Variants in SLIT1 observed in about 807,000 individuals in gnomAD.
SLIT1 encodes slit homolog 1 protein.
In SLIT1, 66 loss-of-function variants were observed where a neutral mutation model predicts 186.1. The ratio of observed to expected loss-of-function variants is 0.35; its 90% CI spans 0.29 to 0.44. SLIT1 has a LOEUF of 0.44. Ranked by LOEUF, SLIT1 falls within the 20% of genes least tolerant of loss-of-function variation. The pLI is 1.00. For missense variants in SLIT1, 1,638 were observed against 2,037.4 expected, an observed-to-expected ratio of 0.80 and a Z score of 3.77; for synonymous variants, 761 against 833.8, an observed-to-expected ratio of 0.91 and a Z score of 1.50.
intron 4 of SLIT1, among the ~76,000 whole-genome samples, chr10:97,138,617 C>T (rs1849726822): frequency 6.6e-6 from 1 of 151,260 alleles, no homozygotes; most frequent in Non-Finnish European, 1.5e-5. Flanking sequence ...TCCTTTGTTT[C>T]CTATAAACGC....
intron 4 of SLIT1, among the ~76,000 whole-genome samples, chr10:97,093,600 C>T (rs894236423): frequency 1.3e-5 from 2 of 152,176 alleles, no homozygotes; most frequent in Non-Finnish European, 2.9e-5. Context: ...AATGTTGGAG[C>T]AAAAGATAGA....
At chr10:97,082,563 T>A (rs147044467) in intron 4 of SLIT1, among the ~76,000 whole-genome samples, 340 of 152,238 alleles carry the variant, frequency 2.2e-3, no homozygotes, top group African/African-American at 7.6e-3. Flanking sequence ...GCCTCCCAAG[T>A]AGCTGGGACT....
chr10:97,034,414 G>A, intron 23 of SLIT1, 57 bp downstream of exon 23: 1 of 1,234,148 alleles, frequency 8.1e-7, no homozygotes, highest in Non-Finnish European at 1.2e-6. Context: ...CTGGGGCTAG[G>A]GAATGACTCA....
Position 97,060,682 on chromosome 10 carries a change from A to G in SLIT1, c.899T>C (p.Leu300Pro). 1 of 1,613,564 alleles carries G rather than the reference A, an allele frequency of 6.2e-7. No individual in the cohort carries two copies. Among genetic ancestry groups the G allele is most frequent in the Non-Finnish European group, 8.5e-7 (1 of 1,180,038 alleles). The part of the protein sequence containing the change: ...NGIVDCRGKG[L>P]TAIPANLPET... ...GGGCAGGTTGGCCGGGATGGCAGTG[A>G]GGCCTTTTCCACGACAGTCCACGAT... is the stretch of plus-strand genomic sequence containing the variant. Residue 300 changes from leucine to proline, a missense_variant, in exon 9 of 37, where the codon CTC (leucine) becomes CCC (proline). Leu to Pro is a moderately conservative substitution (Grantham distance 98, BLOSUM62 -3). This residue lies in a region of SLIT1 where 1,245 missense variants were observed against 1,535.3 expected (regional missense o/e 0.81). Coordinates refer to ENST00000266058, the MANE Select transcript of SLIT1 (RefSeq NM_003061.3).
At chr10:97,009,507 TAA>T (rs1335028144) in intron 31 of SLIT1, among the ~76,000 whole-genome samples, 15 of 152,178 alleles carry the variant, frequency 9.9e-5, no homozygotes, top group Admixed American at 9.8e-4. Context: ...GACCTAAATA[TAA>T]GAGCTAAAAC....
chr10:97,119,912 G>GGT (rs756112837), intron 4 of SLIT1, among the ~76,000 whole-genome samples: 10 of 15,840 alleles, frequency 6.3e-4, no homozygotes, highest in Admixed American at 1.3e-3. Flanking sequence ...TTTCCAAAGG[G>GGT]GTATATATAT....
intron 22 of SLIT1, 21 bp from the exon 23 acceptor site, chr10:97,034,563 A>T (rs753405648): frequency 2.5e-6 from 4 of 1,606,476 alleles, no homozygotes; most frequent in Non-Finnish European, 3.4e-6. Context: ...CAAAGGCATC[A>T]TGATTTAGAA....
intron 1 of SLIT1, among the ~76,000 whole-genome samples, chr10:97,169,749 C>T (rs1270597910): frequency 1.3e-5 from 2 of 152,250 alleles, no homozygotes; most frequent in Admixed American, 1.3e-4. Context: ...TGTGTGCAGG[C>T]TCCGGGCCTG....
At chr10:97,154,383 C>G (rs1164103755) in intron 4 of SLIT1, 1 of 152,242 alleles carries the variant, frequency 6.6e-6, no homozygotes, top group Admixed American at 6.5e-5. Context: ...TCCAAGAGCC[C>G]TGCAGGAGTC....
At chr10:97,161,842 A>G (rs372777397) in intron 3 of SLIT1, among the ~76,000 whole-genome samples, 54 of 152,318 alleles carry the variant, frequency 3.5e-4, no homozygotes, top group Non-Finnish European at 6.5e-4. Context: ...AGGCAAAATG[A>G]TCTGGGTTCT....
At chr10:97,172,156 C>G (rs369774611) in intron 1 of SLIT1, among the ~76,000 whole-genome samples, 1 of 152,118 alleles carries the variant, frequency 6.6e-6, no homozygotes, top group African/African-American at 2.4e-5. Flanking sequence ...TATTCTCATG[C>G]CTCAGTCTCC....
intron 4 of SLIT1, among the ~76,000 whole-genome samples, chr10:97,087,073 T>TA (rs1245897099): frequency 4.1e-5 from 6 of 146,298 alleles, no homozygotes; most frequent in African/African-American, 1.2e-4. Context: ...AAAACTGCTC[T>TA]AAAAAATAAG....
At chr10:97,038,361 C>G (rs977556616) in intron 21 of SLIT1, among the ~76,000 whole-genome samples, 1 of 152,192 alleles carries the variant, frequency 6.6e-6, no homozygotes, top group Non-Finnish European at 1.5e-5. Flanking sequence ...GCCGACTGTG[C>G]ACCACCACCC....
rs58092124 is a variant in SLIT1, at chr10:97,046,895, GC to G, written c.1709+95del. ...CAACACCCCCACACACAGAGTCCTG[GC>G]CCCCCGCCGTGGGAGCTGCCCCCAC... On this transcript the variant is annotated intron_variant, in intron 17 of 36. Transcript: ENST00000266058. The G allele has an allele frequency of 8.3e-6, 13 of 1,571,106 alleles. No homozygotes were observed. The South Asian group carries it at 1.3e-4, about 15-fold the overall frequency.
chr10:97,159,210 T>C (rs1477537420), intron 3 of SLIT1, among the ~76,000 whole-genome samples: 1 of 152,046 alleles, frequency 6.6e-6, no homozygotes, highest in Non-Finnish European at 1.5e-5. Flanking sequence ...AATTGGTCTG[T>C]GGTTACCTCC....
intron 4 of SLIT1, among the ~76,000 whole-genome samples, chr10:97,148,651 T>G (rs1849842705): frequency 1.3e-5 from 2 of 152,180 alleles, no homozygotes. Context: ...GAAAACTAAA[T>G]CCCTTATCTC....
chr10:97,080,484 C>G (rs1421013375), intron 4 of SLIT1, among the ~76,000 whole-genome samples: 1 of 152,192 alleles, frequency 6.6e-6, no homozygotes. Flanking sequence ...TTCTTTGTTT[C>G]CTTTAACAGT....
At chr10:97,107,745 G>A (rs1387714851) in intron 4 of SLIT1, among the ~76,000 whole-genome samples, 1 of 152,138 alleles carries the variant, frequency 6.6e-6, no homozygotes, top group Non-Finnish European at 1.5e-5. Context: ...CCCACGTGCT[G>A]CCCTTTGAGC....
At chr10:97,185,395 G>GC in intron 1 of SLIT1, 83 bp downstream of exon 1, 1 of 1,385,348 alleles carries the variant, frequency 7.2e-7, no homozygotes, top group Non-Finnish European at 9.9e-7. Context: ...CAATGGTCCT[G>GC]CCCCCACCCC....
Sources: gnomAD v4.1 joint callset for allele counts (sites outside exome capture counted in the v4.1 genomes callset) on GRCh38, gnomAD v4.1.1 for gene constraint, gnomAD v4.1.1 regional missense constraint, MANE v1.5 for transcripts, NCBI Gene and HGNC (gene_info 2026-07-23, HGNC 2026-07-21) for gene names.